Variants in ZBTB20 observed in about 807,000 individuals in gnomAD.
ZBTB20 encodes zinc finger and BTB domain containing 20, also known as zinc finger and BTB domain-containing protein 20.
In ZBTB20, 9 loss-of-function variants were observed where a neutral mutation model predicts 56.9. The ratio of observed to expected loss-of-function variants is 0.16; its 90% CI spans 0.10 to 0.28. ZBTB20 has a LOEUF of 0.28. Among genes scored for constraint, ZBTB20 ranks in the 10% least tolerant of loss-of-function variants. ZBTB20 has a pLI of 1.00. For missense variants in ZBTB20, 655 were observed against 1,003.0 expected (o/e 0.65, Z 4.69); for synonymous variants, 417 against 420.7 (o/e 0.99, Z 0.11).
intron 7 of ZBTB20, among the ~76,000 whole-genome samples, chr3:114,482,263 T>G (rs1251030882): frequency 6.6e-6 from 1 of 152,128 alleles, no homozygotes; most frequent in Non-Finnish European, 1.5e-5. Context: ...AAAGATGAGG[T>G]GGGCTCTCAG....
At position 114,723,572 on chromosome 3, in the gene ZBTB20, A is replaced by G. The variant is rs117003795; in HGVS notation, c.-342-29997T>C. ...CATAGAAGGACCTGTGAAGCTCTGT[A>G]AAAAATCAGCCTCCAGCCTCCACTC... is the stretch of plus-strand genomic sequence containing the variant. On this transcript the variant is annotated intron_variant, in intron 5 of 11. Coordinates refer to ENST00000675478, the MANE Select transcript of ZBTB20 (RefSeq NM_001348800.3). Among the ~76,000 whole-genome samples the G allele has an allele frequency of 6.1e-4, 93 of 152,258 alleles. 1 individual carries two copies. The East Asian group carries it at 0.012, about 19-fold the overall frequency.
At chr3:115,083,548 T>C (rs2082872727) in intron 1 of ZBTB20, among the ~76,000 whole-genome samples, 1 of 152,100 alleles carries the variant, frequency 6.6e-6, no homozygotes, top group East Asian at 1.9e-4. Context: ...GTATTATACT[T>C]TTTATAGAAA....
At chr3:114,417,687 G>C (rs1263028256) in intron 7 of ZBTB20, among the ~76,000 whole-genome samples, 2 of 151,926 alleles carry the variant, frequency 1.3e-5, no homozygotes, top group Non-Finnish European at 2.9e-5. Flanking sequence ...ACAGCCTTAT[G>C]GAAATCCTTC....
At chr3:115,022,137 G>C (rs1262508103) in intron 2 of ZBTB20, among the ~76,000 whole-genome samples, 2 of 150,316 alleles carry the variant, frequency 1.3e-5, no homozygotes, top group Admixed American at 6.6e-5. Flanking sequence ...TTTAGGATAC[G>C]TAAAAAAGAT....
intron 5 of ZBTB20, among the ~76,000 whole-genome samples, chr3:114,712,874 G>A (rs73224547): frequency 0.023 from 3,473 of 152,246 alleles, 56 homozygotes; most frequent in South Asian, 0.05. Context: ...CAAGACTGAG[G>A]AGGGATGTGA....
rs2078860575 is a variant in ZBTB20, at chr3:114,320,634, C to T, written c.*18371G>A. The T allele has an allele frequency of 6.6e-6, 1 of 152,046 alleles. No individual in the cohort carries two copies. The highest frequency in any genetic ancestry group is 1.5e-5 in the Non-Finnish European group (1 of 68,030). 9.4% of individuals were successfully genotyped at this position (152,046 alleles called of 1,614,324 possible). A position where few individuals can be genotyped will look rare whatever the true frequency, so the allele number is the denominator to read the frequency against. ...TCCTTCAACTTTTAATCTTTTACTCCCTAGTTCTTTATATCTTTAAAATGA... is the reference window on the plus strand; with the variant it reads ...TCCTTCAACTTTTAATCTTTTACTCTCTAGTTCTTTATATCTTTAAAATGA... On this transcript the variant is annotated 3_prime_UTR_variant, in exon 12 of 12. Transcript: ENST00000675478.
intron 10 of ZBTB20, chr3:114,366,921 G>A (rs1229966570): frequency 1.7e-5 from 2 of 119,466 alleles, no homozygotes; most frequent in Non-Finnish European, 3.8e-5. Flanking sequence ...CTCCTCGGAA[G>A]TGAAACTCAC....
intron 6 of ZBTB20, among the ~76,000 whole-genome samples, chr3:114,672,936 A>G (rs2061430226): frequency 1.3e-5 from 2 of 152,146 alleles, no homozygotes; most frequent in Admixed American, 1.3e-4. Context: ...TTCTTGACTT[A>G]TTAGAACCTC....
chr3:114,850,652 G>A (rs1046372603), intron 4 of ZBTB20, among the ~76,000 whole-genome samples: 10 of 152,186 alleles, frequency 6.6e-5, no homozygotes, highest in Admixed American at 6.5e-4. Flanking sequence ...GAACTAAGGT[G>A]GTCTGGCTCC....
chr3:114,475,006 C>T (rs1409851002), intron 7 of ZBTB20, among the ~76,000 whole-genome samples: 1 of 152,140 alleles, frequency 6.6e-6, no homozygotes, highest in African/African-American at 2.4e-5. Flanking sequence ...TCAATAGCTC[C>T]CCACTGTCTC....
chr3:114,909,150 G>T (rs1227047990), intron 3 of ZBTB20, among the ~76,000 whole-genome samples: 2 of 151,840 alleles, frequency 1.3e-5, no homozygotes, highest in African/African-American at 2.4e-5. Context: ...ATGTTATTAC[G>T]CCAGAAGACC....
At chr3:114,550,665 T>A (rs2050461959) in intron 6 of ZBTB20, among the ~76,000 whole-genome samples, 1 of 152,240 alleles carries the variant, frequency 6.6e-6, no homozygotes, top group Admixed American at 6.5e-5. Flanking sequence ...GGTTCCATTC[T>A]TGATCTCTTT....
At position 115,029,394 on chromosome 3, in the gene ZBTB20, A is replaced by G. The variant is rs997628431; in HGVS notation, c.-507+41825T>C. 2.0e-5 allele frequency among the ~76,000 whole-genome samples: 3 copies of G among 150,868 alleles called. 1 individual carries two copies. Among genetic ancestry groups the G allele is most frequent in the Admixed American group, 2.0e-4 (3 of 15,092 alleles). ...TTAAATAATTCTAAATCTCTTATAA[A>G]AAATTGGTTAAGAATAGCCAGTAAC... On this transcript the variant is annotated intron_variant, in intron 2 of 11. Transcript: ENST00000675478.
intron 6 of ZBTB20, among the ~76,000 whole-genome samples, chr3:114,585,251 T>G (rs1232169112): frequency 6.6e-6 from 1 of 152,088 alleles, no homozygotes; most frequent in East Asian, 1.9e-4. Context: ...AAATTTTCTA[T>G]GAGGAGGCTA....
intron 2 of ZBTB20, among the ~76,000 whole-genome samples, chr3:115,020,813 T>C (rs2080173381): frequency 6.6e-6 from 1 of 151,060 alleles, no homozygotes; most frequent in Non-Finnish European, 1.5e-5. Flanking sequence ...TAAACATTTA[T>C]TGAAACATTT....
intron 3 of ZBTB20, among the ~76,000 whole-genome samples, chr3:114,946,054 A>T (rs1189093781): frequency 6.9e-6 from 1 of 145,882 alleles, no homozygotes; most frequent in Non-Finnish European, 1.5e-5. Flanking sequence ...ATAAACAAAT[A>T]CACAATCAAG....
intron 1 of ZBTB20, among the ~76,000 whole-genome samples, chr3:115,094,620 A>T (rs2083312931): frequency 6.6e-6 from 1 of 150,962 alleles, no homozygotes; most frequent in Non-Finnish European, 1.5e-5. Context: ...ATTACATTCC[A>T]TTTACAGGAA....
intron 7 of ZBTB20, among the ~76,000 whole-genome samples, chr3:114,426,836 T>C (rs2089716397): frequency 6.6e-6 from 1 of 152,226 alleles, no homozygotes; most frequent in South Asian, 2.1e-4. Context: ...TAATTGTGTA[T>C]TGTAGTTGTT....
At chr3:114,529,518 T>C (rs1316181765) in intron 6 of ZBTB20, 1 of 152,220 alleles carries the variant, frequency 6.6e-6, no homozygotes, top group African/African-American at 2.4e-5. Context: ...AATAATTTAT[T>C]TACTGATATG....
Sources: allele counts gnomAD v4.1 joint callset (sites outside exome capture counted in the v4.1 genomes callset), GRCh38; gene constraint gnomAD v4.1.1; transcripts MANE v1.5; gene names NCBI Gene and HGNC (gene_info 2026-07-23, HGNC 2026-07-21).